Variants in ADAMTS17 observed in about 807,000 individuals in gnomAD.
ADAMTS17 encodes the protein ADAM metallopeptidase with thrombospondin type 1 motif 17.
ADAMTS17 carries 113 observed loss-of-function variants against 141.5 expected under a neutral mutation model. The observed-to-expected ratio is 0.80, with a 90% confidence interval of 0.69 to 0.93. ADAMTS17 has a LOEUF of 0.93. Among genes scored for constraint, ADAMTS17 ranks in the 40% least tolerant of loss-of-function variants. The probability of loss-of-function intolerance (pLI) is 0.00; values close to 1 mark genes in which losing one functional copy is unlikely to be tolerated. For synonymous variants in ADAMTS17, 768 were observed against 630.6 expected (o/e 1.22, Z -3.27); for missense variants, 1,659 against 1,517.9 (o/e 1.09, Z -1.54).
intron 14 of ADAMTS17, among the ~76,000 whole-genome samples, chr15:100,099,456 C>CT (rs2035963692): frequency 6.6e-6 from 1 of 152,138 alleles, no homozygotes; most frequent in South Asian, 2.1e-4. Context: ...ATTAGGGGAG[C>CT]TTTGATGATT....
intron 20 of ADAMTS17, among the ~76,000 whole-genome samples, chr15:99,989,511 C>A (rs753956909): frequency 6.6e-6 from 1 of 152,210 alleles, no homozygotes; most frequent in Non-Finnish European, 1.5e-5. Context: ...CTGTGCTGGG[C>A]AGCTTCCCCT....
intron 7 of ADAMTS17, among the ~76,000 whole-genome samples, chr15:100,210,692 G>A (rs938871372): frequency 4.6e-5 from 7 of 152,218 alleles, no homozygotes; most frequent in African/African-American, 1.7e-4. Flanking sequence ...CTAGTCAGGC[G>A]CAGTGGCTCA....
chr15:100,082,501 C>T lies in ADAMTS17; in HGVS notation c.2137+13855G>A, dbSNP rs186569876. Among the ~76,000 whole-genome samples the T allele has an allele frequency of 2.6e-5, 4 of 152,104 alleles. No individual in the cohort carries two copies. The East Asian group carries it at 7.7e-4, about 29-fold the overall frequency. The stretch of plus-strand genomic sequence containing the variant: ...CCCCAGCTCATGCAATCCTCCTGCC[C>T]CCGCTTCCTGAGTAGTGGGGACTTC... On this transcript the variant is annotated intron_variant, in intron 15 of 21. Transcript: ENST00000268070.
At chr15:100,339,172 A>G in intron 2 of ADAMTS17, 1 of 985,428 alleles carries the variant, frequency 1.0e-6, no homozygotes, top group Non-Finnish European at 1.2e-6. Context: ...AAAGCACAGC[A>G]CCCTCACATG....
chr15:100,325,459 G>A (rs2045870477), intron 3 of ADAMTS17, among the ~76,000 whole-genome samples: 1 of 152,168 alleles, frequency 6.6e-6, no homozygotes, highest in Non-Finnish European at 1.5e-5. Flanking sequence ...AAGACACAGG[G>A]AGAGGACGGC....
rs2042793678 is a variant in ADAMTS17 at position 100,240,376 on chromosome 15, G to A, written c.1075+13760C>T. On this transcript the variant is annotated intron_variant, in intron 7 of 21. Coordinates refer to ENST00000268070, the MANE Select transcript of ADAMTS17 (RefSeq NM_139057.4). ...TCCAAGACCATAGCAAAGGCTGGAG[G>A]GTAGCAACATATGCCACTGTGGCCG... 2.6e-5 allele frequency among the ~76,000 whole-genome samples: 4 copies of A among 152,234 alleles called. 1 individual carries two copies. In the South Asian group the frequency reaches 8.3e-4, roughly 32 times the overall value.
intron 7 of ADAMTS17, among the ~76,000 whole-genome samples, chr15:100,204,255 T>C (rs926572619): frequency 6.6e-6 from 1 of 152,234 alleles, no homozygotes; most frequent in African/African-American, 2.4e-5. Context: ...ATATAAGCCA[T>C]CTGCAGCTGG....
Position 100,117,021 on chromosome 15 carries a change from G to C in ADAMTS17, c.1722-8C>G. The C allele has an allele frequency of 1.2e-6, 2 of 1,602,048 alleles. No homozygotes were observed. Among genetic ancestry groups the C allele is most frequent in the Non-Finnish European group, 1.7e-6 (2 of 1,174,652 alleles). On this transcript the variant is annotated splice_polypyrimidine_tract_variant and splice_region_variant and intron_variant, in intron 12 of 21. Coordinates refer to ENST00000268070, the MANE Select transcript of ADAMTS17 (RefSeq NM_139057.4). ...GTGCCTCCAGGCCCAGGGCTAGAAGGAAGAAGAAGGTCTGTGTTAACCAGG... is the reference window on the plus strand; with the variant it reads ...GTGCCTCCAGGCCCAGGGCTAGAAGCAAGAAGAAGGTCTGTGTTAACCAGG...
chr15:100,100,230 C>T (rs1337759620), intron 14 of ADAMTS17, among the ~76,000 whole-genome samples: 1 of 152,236 alleles, frequency 6.6e-6, no homozygotes, highest in African/African-American at 2.4e-5. Context: ...CTGTCTGATT[C>T]TCCTCCCAGC....
At position 99,997,449 on chromosome 15, in the gene ADAMTS17, G is replaced by A. The variant is rs369161179; in HGVS notation, c.2732C>T (p.Ala911Val). 9.3e-5 allele frequency: 150 copies of A among 1,613,590 alleles called. 1 individual carries two copies. The highest frequency in any genetic ancestry group is 8.8e-4 in the South Asian group (80 of 91,066). The part of the protein sequence containing the change: ...RPLYCPGPRP[A>V]AVQSCEGQDC... ...CTGGCCTTCACAGCTCTGCACTGCC[G>A]CCGGCCGGGGGCCCGGGCAGTAGAG... Residue 911 changes from alanine (A) to valine (V), a missense_variant, in exon 19 of 22, where the codon GCG becomes GTG. Coordinates refer to ENST00000268070, the MANE Select transcript of ADAMTS17 (RefSeq NM_139057.4). The surrounding 1 kb of genome is among the most constrained non-coding windows in gnomAD (Gnocchi z 4.7).
At chr15:100,107,913 G>C (rs953926639) in intron 14 of ADAMTS17, among the ~76,000 whole-genome samples, 1 of 152,068 alleles carries the variant, frequency 6.6e-6, no homozygotes, top group Non-Finnish European at 1.5e-5. Context: ...TGCCCAGCTT[G>C]ACCCGAGTCA....
chr15:100,229,744 C>G (rs1350588135), intron 7 of ADAMTS17, among the ~76,000 whole-genome samples: 1 of 152,208 alleles, frequency 6.6e-6, no homozygotes, highest in Non-Finnish European at 1.5e-5. Context: ...GAACTAACTG[C>G]AAAGTTCCCT....
intron 7 of ADAMTS17, among the ~76,000 whole-genome samples, chr15:100,205,792 G>A (rs2041523350): frequency 6.6e-6 from 1 of 152,206 alleles, no homozygotes; most frequent in Non-Finnish European, 1.5e-5. Context: ...CAGCCTCCAG[G>A]CCATTTCAGC....
At chr15:100,318,686 T>A (rs1281870857) in intron 3 of ADAMTS17, among the ~76,000 whole-genome samples, 6 of 152,120 alleles carry the variant, frequency 3.9e-5, no homozygotes, top group African/African-American at 1.4e-4. Flanking sequence ...AAATGCAAAA[T>A]AAACAAACGG....
intron 7 of ADAMTS17, among the ~76,000 whole-genome samples, chr15:100,202,098 G>A (rs2041356238): frequency 6.6e-6 from 1 of 152,196 alleles, no homozygotes; most frequent in Non-Finnish European, 1.5e-5. Context: ...TGAGCTTCCT[G>A]TCCTGAGTGT....
At chr15:100,106,721 G>A (rs1440635604) in intron 14 of ADAMTS17, among the ~76,000 whole-genome samples, 1 of 152,234 alleles carries the variant, frequency 6.6e-6, no homozygotes, top group Non-Finnish European at 1.5e-5. Flanking sequence ...TCTAACTTGG[G>A]AGGAACGTTA....
chr15:99,974,615 C>G lies in ADAMTS17; in HGVS notation c.3128-53G>C. 5.6e-6 allele frequency: 9 copies of G among 1,609,944 alleles called. No homozygotes were observed. The South Asian group carries it at 8.8e-5, about 16-fold the overall frequency. On this transcript the variant is annotated intron_variant, in intron 21 of 21. Transcript: ENST00000268070. ...GGGTCAGGGATGGCCTAGGCATGTC[C>G]TGATGCAGGCACAGGGAGGGCTTGT...
intron 7 of ADAMTS17, among the ~76,000 whole-genome samples, chr15:100,252,904 C>T (rs1321372455): frequency 6.6e-6 from 1 of 152,220 alleles, no homozygotes; most frequent in East Asian, 1.9e-4. Context: ...TTGTGAGTCA[C>T]CTAACCCAAA....
At chr15:100,151,228 GC>G (rs1191400111) in intron 10 of ADAMTS17, among the ~76,000 whole-genome samples, 2 of 152,198 alleles carry the variant, frequency 1.3e-5, no homozygotes, top group Non-Finnish European at 2.9e-5. Flanking sequence ...CAGGGGAATG[GC>G]AGGGCAGAAG....
Sources: gnomAD v4.1 joint callset for allele counts (sites outside exome capture counted in the v4.1 genomes callset) on GRCh38, gnomAD v4.1.1 for gene constraint, Gnocchi (gnomAD v3.1) non-coding constraint, MANE v1.5 for transcripts, NCBI Gene and HGNC (gene_info 2026-07-23, HGNC 2026-07-21) for gene names.